NIPBL: variants seen among roughly 807,000 people sequenced by gnomAD.
The protein encoded by NIPBL is nipped-B-like protein.
A neutral mutation model predicts 321.8 loss-of-function variants in NIPBL; 19 were observed. That is an observed-to-expected ratio of 0.06 (90% confidence interval 0.04 to 0.09). The LOEUF (loss-of-function observed/expected upper bound fraction) is 0.09. Ranked by LOEUF, NIPBL falls within the 10% of genes least tolerant of loss-of-function variation. NIPBL has a pLI of 1.00. For synonymous variants in NIPBL, 1,106 were observed against 1,114.1 expected (o/e 0.99, Z 0.14); for missense variants, 2,210 against 3,327.0 (o/e 0.66, Z 8.26).
At chr5:36,954,109 T>C (rs951006446) in intron 2 of NIPBL, among the ~76,000 whole-genome samples, 3 of 152,178 alleles carry the variant, frequency 2.0e-5, no homozygotes, top group Admixed American at 6.5e-5. Context: ...TTTGTAACTA[T>C]AATTCTTAGT....
chr5:37,005,002 C>T (rs1246376709), intron 16 of NIPBL, among the ~76,000 whole-genome samples: 4 of 152,188 alleles, frequency 2.6e-5, no homozygotes, highest in Non-Finnish European at 5.9e-5. Flanking sequence ...CCCACTGGCC[C>T]GTGTGGCCCA....
intron 1 of NIPBL, among the ~76,000 whole-genome samples, chr5:36,935,576 A>G (rs949230704): frequency 6.6e-6 from 1 of 152,172 alleles, no homozygotes; most frequent in African/African-American, 2.4e-5. Context: ...ACCAGTGCCA[A>G]CACAGAACAC....
intron 21 of NIPBL, among the ~76,000 whole-genome samples, chr5:37,012,160 G>C (rs1373194584): frequency 1.9e-4 from 20 of 106,244 alleles, no homozygotes; most frequent in Non-Finnish European, 3.7e-4. Context: ...TTTTCTTTTT[G>C]TTTTCTTTGA....
Position 37,007,988 on chromosome 5 carries a change from T to TA in NIPBL, c.4240-19dup, listed in dbSNP as rs1346860990. On this transcript the variant is annotated intron_variant, in intron 18 of 46. Transcript: ENST00000282516. ...AAATCAACTAAAGGTGTATACTACT[T>TA]ACTCTTCTTTTTTAAACAGGTTTCA... 7.0e-7 allele frequency: 1 copy of TA among 1,423,712 alleles called. No individual in the cohort carries two copies. The highest frequency in any genetic ancestry group is 9.9e-7 in the Non-Finnish European group (1 of 1,006,948). The allele number at this position is 1,423,712 out of a possible 1,614,324, so 88.2% of individuals were successfully genotyped here.
intron 1 of NIPBL, among the ~76,000 whole-genome samples, chr5:36,943,629 G>T (rs6451311): frequency 1.3e-5 from 2 of 152,058 alleles, no homozygotes; most frequent in African/African-American, 2.4e-5. Context: ...TAGATAATTG[G>T]ATATGAGTCT....
intron 21 of NIPBL, among the ~76,000 whole-genome samples, chr5:37,012,230 G>T (rs1748217471): frequency 6.7e-6 from 1 of 150,248 alleles, no homozygotes; most frequent in African/African-American, 2.4e-5. Flanking sequence ...GCTCACCACA[G>T]CCTCAACCGC....
chr5:37,032,262 T>C (rs960978715), intron 32 of NIPBL, among the ~76,000 whole-genome samples: 4 of 152,216 alleles, frequency 2.6e-5, no homozygotes, highest in Non-Finnish European at 4.4e-5. Context: ...TTGTGCATTT[T>C]ATTGCATGTA....
intron 32 of NIPBL, among the ~76,000 whole-genome samples, chr5:37,035,337 A>G (rs1751566726): frequency 6.6e-6 from 1 of 152,184 alleles, no homozygotes; most frequent in South Asian, 2.1e-4. Context: ...GGCAGGAAGA[A>G]TTTGCGGTTC....
chr5:36,901,872 C>T (rs1380190795), intron 1 of NIPBL, among the ~76,000 whole-genome samples: 2 of 152,134 alleles, frequency 1.3e-5, no homozygotes, highest in African/African-American at 2.4e-5. Context: ...ACATTCCCAC[C>T]AGCAGTGTAT....
rs931404667 is a variant in NIPBL, at chr5:37,044,466, C to T, written c.6228C>T (p.Leu2076=). ...CTATTGAGGAAGATCTAATGAAGCT[C>T]ATCATCAAATATGGCATGACTGTAA... ...LATIEEDLMK[L]IIKYGMTVVQ... The change falls in exon 35 of 47, where the codon CTC becomes CTT. Residue 2076 remains leucine, a synonymous_variant. Transcript: ENST00000282516. 3 of 1,613,902 alleles carry T rather than the reference C, an allele frequency of 1.9e-6. No homozygotes were observed. Among genetic ancestry groups the T allele is most frequent in the South Asian group, 2.2e-5 (2 of 91,074 alleles).
At chr5:36,983,462 T>A (rs902938345) in intron 9 of NIPBL, among the ~76,000 whole-genome samples, 11 of 152,048 alleles carry the variant, frequency 7.2e-5, no homozygotes, top group Middle Eastern at 3.4e-3. Flanking sequence ...ACAACTTGGT[T>A]CTCTAACAAT....
At chr5:36,904,154 T>G (rs1747444880) in intron 1 of NIPBL, among the ~76,000 whole-genome samples, 1 of 152,192 alleles carries the variant, frequency 6.6e-6, no homozygotes, top group Non-Finnish European at 1.5e-5. Context: ...TAGTGTACTG[T>G]AGATAAAGTG....
In NIPBL at chr5:36,970,863, T is replaced by G. The variant is rs1198092702; in HGVS notation, c.611-13T>G. The G allele has an allele frequency of 6.2e-7, 1 of 1,609,094 alleles. No individual in the cohort carries two copies. The highest frequency in any genetic ancestry group is 8.5e-7 in the Non-Finnish European group (1 of 1,175,784). On this transcript the variant is annotated splice_polypyrimidine_tract_variant and intron_variant, in intron 6 of 46. Coordinates refer to ENST00000282516, the MANE Select transcript of NIPBL (RefSeq NM_133433.4). Reference sequence around the variant, plus strand: ...TCTTTTATTAAACCTTTTTTTATTCTTATTAATTTCAGCATCGGTATCAAG... The same window carrying G: ...TCTTTTATTAAACCTTTTTTTATTCGTATTAATTTCAGCATCGGTATCAAG...
intron 42 of NIPBL, among the ~76,000 whole-genome samples, chr5:37,054,936 G>T (rs1395929537): frequency 6.6e-6 from 1 of 152,120 alleles, no homozygotes; most frequent in Admixed American, 6.5e-5. Context: ...TTGTAAGTGT[G>T]TGAATAAAAT....
intron 1 of NIPBL, among the ~76,000 whole-genome samples, chr5:36,924,333 TTAAA>T (rs1749188743): frequency 6.6e-6 from 1 of 152,212 alleles, no homozygotes; most frequent in South Asian, 2.1e-4. Flanking sequence ...TTATATCAGT[TTAAA>T]TAGTTTTGTA....
At chr5:37,047,654 C>T (rs906559526) in intron 38 of NIPBL, among the ~76,000 whole-genome samples, 5 of 152,158 alleles carry the variant, frequency 3.3e-5, no homozygotes, top group African/African-American at 7.2e-5. Context: ...ACTTAAGCAG[C>T]GCTATTCAGA....
At chr5:37,012,307 G>C (rs1748229544) in intron 21 of NIPBL, among the ~76,000 whole-genome samples, 1 of 147,824 alleles carries the variant, frequency 6.8e-6, no homozygotes, top group Non-Finnish European at 1.5e-5. Flanking sequence ...GCGCCACCAT[G>C]CCGGGCTAAT....
At chr5:36,952,066 G>GCGCGCT (rs1740422649) in intron 1 of NIPBL, among the ~76,000 whole-genome samples, 1 of 140,044 alleles carries the variant, frequency 7.1e-6, no homozygotes, top group Non-Finnish European at 1.6e-5. Flanking sequence ...GCGCGCGCGC[G>GCGCGCT]CGCGCGCATG....
chr5:37,045,622 C>A (rs373126083), intron 37 of NIPBL, 25 bp downstream of exon 37: 4 of 1,608,748 alleles, frequency 2.5e-6, no homozygotes, highest in East Asian at 4.5e-5. Context: ...ACTTAAAATG[C>A]TATAAAACAT....
Sources: allele counts gnomAD v4.1 joint callset (sites outside exome capture counted in the v4.1 genomes callset), GRCh38; gene constraint gnomAD v4.1.1; transcripts MANE v1.5; gene names NCBI Gene and HGNC (gene_info 2026-07-23, HGNC 2026-07-21).